TDRD7: variants seen among roughly 807,000 people sequenced by gnomAD.
TDRD7 encodes tudor domain-containing protein 7.
A neutral mutation model predicts 109.8 loss-of-function variants in TDRD7; 47 were observed. That is an observed-to-expected ratio of 0.43 (90% confidence interval 0.34 to 0.55). The LOEUF (loss-of-function observed/expected upper bound fraction) is 0.55. Ranked by LOEUF, TDRD7 falls within the 20% of genes least tolerant of loss-of-function variation. TDRD7 has a pLI of 0.03. For missense variants in TDRD7, 1,164 were observed against 1,319.2 expected (o/e 0.88, Z 1.82); for synonymous variants, 424 against 457.3 (o/e 0.93, Z 0.93).
At chr9:97,431,151 T>G in intron 3 of TDRD7, 77 bp downstream of exon 3, 3 of 1,584,354 alleles carry the variant, frequency 1.9e-6, no homozygotes, top group Non-Finnish European at 2.6e-6. Flanking sequence ...GAAATATTGT[T>G]TGTATTATGA....
At chr9:97,470,710 G>A in intron 9 of TDRD7, 41 bp downstream of exon 9, 1 of 1,445,096 alleles carries the variant, frequency 6.9e-7, no homozygotes, top group Non-Finnish European at 9.7e-7. Context: ...ATTTCAATAG[G>A]CTATTACCAC....
intron 10 of TDRD7, 26 bp downstream of exon 10, chr9:97,472,521 T>C: frequency 6.4e-7 from 1 of 1,573,708 alleles, no homozygotes; most frequent in Non-Finnish European, 8.7e-7. Context: ...CTGTTGTTGC[T>C]TGTTACACAT....
rs1397423679 is a variant in TDRD7, at chr9:97,482,956, C to T, written c.2520C>T (p.Asp840=). The T allele has an allele frequency of 5.6e-6, 9 of 1,614,058 alleles. No individual in the cohort carries two copies. The highest frequency in any genetic ancestry group is 6.8e-6 in the Non-Finnish European group (8 of 1,180,038). The part of the protein sequence containing the change: ...RSINRQITNA[D]LWKHQKDVFL... ...TTAATCGCCAGATTACAAATGCAGA[C>T]TTGTGGAAGCATCAGAAGGATGTGT... The change falls in exon 15 of 17, where the codon GAC becomes GAT. Residue 840 remains aspartate (D), a synonymous_variant. Coordinates refer to ENST00000355295, the MANE Select transcript of TDRD7 (RefSeq NM_014290.3).
At chr9:97,434,717 T>C (rs1163313007) in intron 4 of TDRD7, among the ~76,000 whole-genome samples, 1 of 152,166 alleles carries the variant, frequency 6.6e-6, no homozygotes, top group Non-Finnish European at 1.5e-5. Context: ...CAAAAACCTG[T>C]CCACTTATGT....
rs79431562 is a variant in TDRD7, at chr9:97,460,122, G to A, written c.856-56G>A. 4.4e-4 allele frequency: 643 copies of A among 1,445,384 alleles called. 6 individuals are homozygous for A. The African/African-American group carries it at 7.2e-3, about 16-fold the overall frequency. 89.5% of individuals were successfully genotyped at this position (1,445,384 alleles called of 1,614,324 possible). ...AAATTTAGAATGCATTAATGTGTTT[G>A]TGGGTTGTTTATAGTCACTGAAATA... On this transcript the variant is annotated intron_variant, in intron 6 of 16. Coordinates refer to ENST00000355295, the MANE Select transcript of TDRD7 (RefSeq NM_014290.3).
At chr9:97,416,536 G>A (rs1348059119) in intron 1 of TDRD7, among the ~76,000 whole-genome samples, 3 of 152,202 alleles carry the variant, frequency 2.0e-5, no homozygotes, top group Non-Finnish European at 2.9e-5. Context: ...TTGTCAGGAT[G>A]TGTGGGCTCC....
chr9:97,429,259 A>G (rs1437154402), intron 2 of TDRD7, among the ~76,000 whole-genome samples: 4 of 152,328 alleles, frequency 2.6e-5, no homozygotes, highest in Non-Finnish European at 5.9e-5. Context: ...TATAGATAGT[A>G]TAGGCCATTT....
chr9:97,441,923 C>CT (rs776931060), intron 6 of TDRD7, 48 bp downstream of exon 6: 2 of 1,490,656 alleles, frequency 1.3e-6, no homozygotes, highest in Non-Finnish European at 1.9e-6. Context: ...CCCTGCCCAA[C>CT]TTTGAGATCT....
intron 16 of TDRD7, among the ~76,000 whole-genome samples, chr9:97,492,499 T>G (rs1829324350): frequency 6.6e-6 from 1 of 152,236 alleles, no homozygotes; most frequent in Non-Finnish European, 1.5e-5. Context: ...GTCATTTAAC[T>G]TCTAAACCTA....
chr9:97,446,379 A>G (rs769338354), intron 6 of TDRD7, among the ~76,000 whole-genome samples: 2 of 152,206 alleles, frequency 1.3e-5, no homozygotes, highest in African/African-American at 2.4e-5. Flanking sequence ...GCTGGGAAAC[A>G]TTCTATGTTG....
intron 15 of TDRD7, 37 bp from the exon 16 acceptor site, chr9:97,487,135 G>A (rs768744158): frequency 1.2e-6 from 2 of 1,610,454 alleles, no homozygotes; most frequent in Non-Finnish European, 1.7e-6. Flanking sequence ...CTGAGTTTAT[G>A]TGTTTTCTCT....
intron 8 of TDRD7, among the ~76,000 whole-genome samples, chr9:97,469,324 C>G (rs1446989658): frequency 6.6e-6 from 1 of 152,202 alleles, no homozygotes; most frequent in South Asian, 2.1e-4. Flanking sequence ...TACCAGCGAT[C>G]TAGGCCTAAG....
At chr9:97,473,161 T>G (rs1828952015) in intron 10 of TDRD7, among the ~76,000 whole-genome samples, 1 of 152,232 alleles carries the variant, frequency 6.6e-6, no homozygotes, top group African/African-American at 2.4e-5. Context: ...AAAACATGGT[T>G]TATGTAATTC....
chr9:97,486,406 T>A (rs1829212534), intron 15 of TDRD7, among the ~76,000 whole-genome samples: 2 of 152,224 alleles, frequency 1.3e-5, no homozygotes, highest in Non-Finnish European at 2.9e-5. Context: ...AGTAGATTCC[T>A]GTGGATTTCC....
At position 97,494,930 on chromosome 9, in the gene TDRD7, C is replaced by T. The variant is rs767086309; in HGVS notation, c.3077-733C>T. On this transcript the variant is annotated intron_variant, in intron 16 of 16. Transcript: ENST00000355295. ...TGGGCTATGTTGCCCAGGCTGGTCT[C>T]GAACTCCTGAGCTCAAGATACCTGC... Among the ~76,000 whole-genome samples the T allele has an allele frequency of 6.6e-5, 10 of 152,076 alleles. No homozygotes were observed. The East Asian group carries it at 1.5e-3, about 24-fold the overall frequency.
intron 5 of TDRD7, among the ~76,000 whole-genome samples, chr9:97,441,451 C>T (rs1417207604): frequency 2.0e-5 from 3 of 151,966 alleles, no homozygotes; most frequent in African/African-American, 7.3e-5. Flanking sequence ...GTTTCTTGAC[C>T]CACAAGAAAC....
At chr9:97,463,607 G>GCCTTCCAGCTAAAAA (rs1828768444) in intron 7 of TDRD7, among the ~76,000 whole-genome samples, 1 of 152,228 alleles carries the variant, frequency 6.6e-6, no homozygotes, top group Non-Finnish European at 1.5e-5. Flanking sequence ...TTAGAGTATA[G>GCCTTCCAGCTAAAAA]CCTTCCAGCT....
chr9:97,452,182 C>G (rs545695983), intron 6 of TDRD7, among the ~76,000 whole-genome samples: 110 of 152,234 alleles, frequency 7.2e-4, no homozygotes, highest in South Asian at 1.0e-3. Flanking sequence ...CCACTGCACT[C>G]TAGCCTGGGC....
intron 14 of TDRD7, 24 bp downstream of exon 14, chr9:97,480,962 T>A: frequency 6.3e-7 from 1 of 1,598,562 alleles, no homozygotes; most frequent in East Asian, 2.2e-5. Flanking sequence ...TTGGGCCTGA[T>A]ACATTTAGAA....
Sources: allele counts gnomAD v4.1 joint callset (sites outside exome capture counted in the v4.1 genomes callset), GRCh38; gene constraint gnomAD v4.1.1; transcripts MANE v1.5; gene names NCBI Gene and HGNC (gene_info 2026-07-23, HGNC 2026-07-21).